PCDHGB5: variants seen among roughly 807,000 people sequenced by gnomAD.
The protein encoded by PCDHGB5 is protocadherin gamma subfamily B, 5, also known as protocadherin gamma-B5.
Under a neutral mutation model 62.9 loss-of-function variants are expected in PCDHGB5, and 48 were observed. That is an observed-to-expected ratio of 0.76 (90% CI 0.61 to 0.97). PCDHGB5 has a LOEUF of 0.97. Among genes scored for constraint, PCDHGB5 ranks in the 50% least tolerant of loss-of-function variants. The probability of loss-of-function intolerance (pLI) is 0.00; values close to 1 mark genes in which losing one functional copy is unlikely to be tolerated. For missense variants in PCDHGB5, 1,118 were observed against 1,198.6 expected (o/e 0.93, Z 0.99); for synonymous variants, 474 against 511.2 (o/e 0.93, Z 0.98).
Position 141,491,306 on chromosome 5 carries a change from A to G in PCDHGB5, c.2398-3501A>G. ...CTCATACACCCTCCTGAGCGTTCAGACCTTACCCTTTACCTCATTGTGGCT... is the reference window on the plus strand; with the variant it reads ...CTCATACACCCTCCTGAGCGTTCAGGCCTTACCCTTTACCTCATTGTGGCT... On this transcript the variant is annotated intron_variant, in intron 1 of 3. Coordinates refer to ENST00000617380, the MANE Select transcript of PCDHGB5 (RefSeq NM_018925.3). This position sits in a 1 kb window ranked among gnomAD's most constrained non-coding sequence, Gnocchi z 6.9. 1 of 1,614,032 alleles carries G rather than the reference A, an allele frequency of 6.2e-7. No individual in the cohort carries two copies. The highest frequency in any genetic ancestry group is 2.2e-5 in the East Asian group (1 of 44,872).
At chr5:141,438,749 C>T (rs1238134451) in intron 1 of PCDHGB5, among the ~76,000 whole-genome samples, 3 of 149,226 alleles carry the variant, frequency 2.0e-5, no homozygotes, top group African/African-American at 4.9e-5. Context: ...GCAACCTCTG[C>T]CTCCTGGGTT....
chr5:141,452,848 G>A (rs1425590240), intron 1 of PCDHGB5, among the ~76,000 whole-genome samples: 9 of 152,128 alleles, frequency 5.9e-5, no homozygotes, highest in Non-Finnish European at 1.0e-4. Flanking sequence ...CCCACACTCT[G>A]GGGAGATGAT....
chr5:141,422,314 C>G (rs1207977453), intron 1 of PCDHGB5: 2 of 1,547,838 alleles, frequency 1.3e-6, no homozygotes, highest in Non-Finnish European at 1.7e-6. Context: ...AAACTCTCCT[C>G]CAGGTACAGT....
chr5:141,461,423 C>T lies in PCDHGB5; in HGVS notation c.2398-33384C>T, dbSNP rs1005977255. 3.9e-5 allele frequency among the ~76,000 whole-genome samples: 6 copies of T among 151,938 alleles called. No individual in the cohort carries two copies. In the South Asian group the frequency reaches 6.2e-4, roughly 16 times the overall value. On this transcript the variant is annotated intron_variant, in intron 1 of 3. Coordinates refer to ENST00000617380, the MANE Select transcript of PCDHGB5 (RefSeq NM_018925.3). ...AGCATTTTTTCATATGTTTGTGGGC[C>T]ATTTGTATACCTTCTTTTGAGAAAT... is the stretch of plus-strand genomic sequence containing the variant.
At chr5:141,402,221 G>T (rs567791316) in intron 1 of PCDHGB5, among the ~76,000 whole-genome samples, 1 of 151,824 alleles carries the variant, frequency 6.6e-6, no homozygotes, top group East Asian at 1.9e-4. Flanking sequence ...TAAAATAAAC[G>T]TTTTTCCAGG....
At chr5:141,414,400 G>C (rs768269499) in intron 1 of PCDHGB5, 1 of 1,613,878 alleles carries the variant, frequency 6.2e-7, no homozygotes, top group Admixed American at 1.7e-5. Context: ...TTACAGATTG[G>C]TGATACACAG....
chr5:141,461,255 G>A (rs1466460215), intron 1 of PCDHGB5, among the ~76,000 whole-genome samples: 1 of 152,098 alleles, frequency 6.6e-6, no homozygotes. Flanking sequence ...ATTCCCAGCA[G>A]CAATGTGTAA....
intron 1 of PCDHGB5, chr5:141,408,026 G>A (rs1484571389): frequency 2.8e-6 from 3 of 1,081,716 alleles, no homozygotes; most frequent in African/African-American, 3.2e-5. Context: ...ACAACAGAAA[G>A]AAGAAAACCA....
intron 1 of PCDHGB5, among the ~76,000 whole-genome samples, chr5:141,483,913 C>G (rs988014158): frequency 6.7e-6 from 1 of 148,188 alleles, no homozygotes; most frequent in African/African-American, 2.5e-5. Context: ...GTTTCCCACT[C>G]AGATTGCAGG....
intron 1 of PCDHGB5, chr5:141,409,044 T>G (rs2095215005): frequency 6.2e-7 from 1 of 1,613,762 alleles, no homozygotes; most frequent in African/African-American, 1.3e-5. Context: ...AACTACTACT[T>G]CCGAAGCACT....
rs773609097 is a variant in PCDHGB5 at position 141,408,614 on chromosome 5, A to C, written c.2397+8090A>C. 2.2e-5 allele frequency: 36 copies of C among 1,614,008 alleles called. No individual in the cohort carries two copies. Among genetic ancestry groups the C allele is most frequent in the Non-Finnish European group, 3.1e-5 (36 of 1,179,890 alleles). On this transcript the variant is annotated intron_variant, in intron 1 of 3. Coordinates refer to ENST00000617380, the MANE Select transcript of PCDHGB5 (RefSeq NM_018925.3). The stretch of plus-strand genomic sequence containing the variant: ...CGCCCCTCAATTTGATAAAAAGGAA[A>C]TACATTTAGAAATTTTCGAATCTGC...
Position 141,398,413 on chromosome 5 carries a change from T to C in PCDHGB5, c.286T>C (p.Cys96Arg), listed in dbSNP as rs774602022. The change falls in exon 1 of 4, where the codon TGC becomes CGC. Residue 96 changes from cysteine (C) to arginine (R), a missense_variant. Transcript: ENST00000617380. ...CAGCAGGCTAGACAGGGAGGAGATA[T>C]GCGGGAAGAAGCCAGCTTGTGCTCT... ...VSSRLDREEICGKKPACALEF... is the reference protein window; with the variant it reads ...VSSRLDREEIRGKKPACALEF... 7.0e-5 allele frequency: 104 copies of C among 1,490,692 alleles called. 1 individual carries two copies. Among genetic ancestry groups the C allele is most frequent in the Middle Eastern group, 6.1e-4 (3 of 4,950 alleles). The allele number at this position is 1,490,692 out of a possible 1,614,324, so 92.3% of individuals were successfully genotyped here.
chr5:141,482,500 G>T (rs1409735210), intron 1 of PCDHGB5, among the ~76,000 whole-genome samples: 1 of 133,788 alleles, frequency 7.5e-6, no homozygotes, highest in Non-Finnish European at 1.5e-5. Flanking sequence ...TATCATTCTG[G>T]TACCCAGAGT....
At chr5:141,419,313 G>T in intron 1 of PCDHGB5, 1 of 1,613,974 alleles carries the variant, frequency 6.2e-7, no homozygotes, top group Non-Finnish European at 8.5e-7. Context: ...GGGCTCAACG[G>T]CCGTGTCTCC....
chr5:141,497,497 C>T (rs1318882060), intron 2 of PCDHGB5, among the ~76,000 whole-genome samples: 1 of 151,714 alleles, frequency 6.6e-6, no homozygotes, highest in Non-Finnish European at 1.5e-5. Context: ...TCTCTCTCTC[C>T]TCTCTCTGCT....
Position 141,399,628 on chromosome 5 carries a change from G to C in PCDHGB5, c.1501G>C (p.Val501Leu). ...AGAGCCTCTGGCACTGGCCTCTTAC[G>C]TGTCCATGAGCGCGCAAAGTGGGGT... is the stretch of plus-strand genomic sequence containing the variant. ...DLEPLALASY[V>L]SMSAQSGVVF... Residue 501 changes from valine (V) to leucine (L), a missense_variant, in exon 1 of 4, where the codon GTG (valine) becomes CTG (leucine). Transcript: ENST00000617380. 6.2e-7 allele frequency: 1 copy of C among 1,613,890 alleles called. No homozygotes were observed. The highest frequency in any genetic ancestry group is 8.5e-7 in the Non-Finnish European group (1 of 1,179,890).
At position 141,485,229 on chromosome 5, in the gene PCDHGB5, TC is replaced by T; in HGVS notation, c.2398-9576del. On this transcript the variant is annotated intron_variant, in intron 1 of 3. Transcript: ENST00000617380. The surrounding 1 kb of genome is among the most constrained non-coding windows in gnomAD (Gnocchi z 5.7). ...ATCTGGCGGTGGGCTACCCTTTTGT[TC>T]CTCTTTTACCACCTGGGTTACGTTT... 6.2e-7 allele frequency: 1 copy of T among 1,614,160 alleles called. No homozygotes were observed. The highest frequency in any genetic ancestry group is 8.5e-7 in the Non-Finnish European group (1 of 1,180,022).
intron 1 of PCDHGB5, chr5:141,427,490 T>C (rs752745429): frequency 1.8e-6 from 1 of 551,082 alleles, no homozygotes; most frequent in Non-Finnish European, 3.5e-6. Flanking sequence ...ACTATAAGCT[T>C]GTAACAGATG....
At chr5:141,408,675 C>T (rs574868088) in intron 1 of PCDHGB5, 14 of 1,613,950 alleles carry the variant, frequency 8.7e-6, no homozygotes, top group Admixed American at 8.3e-5. Flanking sequence ...GACCCTGCCA[C>T]GGATCCTGAT....
Sources: allele counts gnomAD v4.1 joint callset (sites outside exome capture counted in the v4.1 genomes callset), GRCh38; gene constraint gnomAD v4.1.1; non-coding constraint Gnocchi (gnomAD v3.1); transcripts MANE v1.5; gene names NCBI Gene and HGNC (gene_info 2026-07-23, HGNC 2026-07-21).